Variants in CNTNAP2 observed in about 807,000 individuals in gnomAD.
CNTNAP2 encodes the protein contactin-associated protein-like 2.
A neutral mutation model predicts 155.2 loss-of-function variants in CNTNAP2; 98 were observed. That is an observed-to-expected ratio of 0.63 (90% CI 0.54 to 0.75). The LOEUF (loss-of-function observed/expected upper bound fraction) is 0.75, where lower values mean the gene tolerates loss of function less well. CNTNAP2 is among the 30% of genes least tolerant of loss of function. The pLI is 0.00. For synonymous variants in CNTNAP2, 651 were observed against 631.2 expected, an observed-to-expected ratio of 1.03 and a Z score of -0.47; for missense variants, 1,727 against 1,688.1, an observed-to-expected ratio of 1.02 and a Z score of -0.40.
intron 9 of CNTNAP2, among the ~76,000 whole-genome samples, chr7:147,304,485 G>C (rs147659374): frequency 6.6e-6 from 1 of 152,078 alleles, no homozygotes; most frequent in South Asian, 2.1e-4. Flanking sequence ...AATTTTCTTT[G>C]TTGTGGTCAT....
chr7:146,178,296 G>A (rs1798499733), intron 1 of CNTNAP2, among the ~76,000 whole-genome samples: 1 of 152,186 alleles, frequency 6.6e-6, no homozygotes, highest in South Asian at 2.1e-4. Flanking sequence ...GCCTCCCAAA[G>A]TTCTGGGATT....
intron 1 of CNTNAP2, among the ~76,000 whole-genome samples, chr7:146,550,992 G>C (rs1297731115): frequency 6.6e-6 from 1 of 151,990 alleles, no homozygotes; most frequent in Non-Finnish European, 1.5e-5. Context: ...GCATGATTGC[G>C]GGAAAATTTG....
chr7:146,225,479 G>A (rs2539738), intron 1 of CNTNAP2, among the ~76,000 whole-genome samples: 117,207 of 152,096 alleles, frequency 0.77, 45,308 homozygotes, highest in East Asian at 0.94. Flanking sequence ...CAAAGTTTTA[G>A]TGGAAATCCT....
At chr7:147,874,814 C>T (rs1563120142) in intron 13 of CNTNAP2, among the ~76,000 whole-genome samples, 1 of 152,162 alleles carries the variant, frequency 6.6e-6, no homozygotes, top group Non-Finnish European at 1.5e-5. Context: ...TGCTTTGCTG[C>T]TTAGAAATTC....
intron 21 of CNTNAP2, among the ~76,000 whole-genome samples, chr7:148,346,245 G>T (rs988915423): frequency 7.2e-5 from 11 of 152,082 alleles, no homozygotes; most frequent in Non-Finnish European, 1.0e-4. Context: ...ACTTGGATAT[G>T]TTTTTATAAG....
At chr7:146,441,453 T>C (rs2129119589) in intron 1 of CNTNAP2, among the ~76,000 whole-genome samples, 1 of 151,578 alleles carries the variant, frequency 6.6e-6, no homozygotes, top group South Asian at 2.1e-4. Flanking sequence ...TCAACTCTCT[T>C]CCCTGCCCAC....
At chr7:146,318,903 T>C (rs112083021) in intron 1 of CNTNAP2, among the ~76,000 whole-genome samples, 2,716 of 152,294 alleles carry the variant, frequency 0.018, 71 homozygotes, top group African/African-American at 0.061. Context: ...TCTTAACTCT[T>C]ATGAATGCTT....
intron 1 of CNTNAP2, among the ~76,000 whole-genome samples, chr7:146,491,378 A>C (rs1309678907): frequency 6.6e-6 from 1 of 152,080 alleles, no homozygotes; most frequent in Admixed American, 6.6e-5. Context: ...TTTTTAACAA[A>C]AAAAAAACAA....
chr7:147,631,442 A>G (rs988040068), intron 12 of CNTNAP2, among the ~76,000 whole-genome samples: 1 of 152,162 alleles, frequency 6.6e-6, no homozygotes, highest in Non-Finnish European at 1.5e-5. Flanking sequence ...TTTCCATCAA[A>G]GTACCATCAA....
At chr7:147,190,199 T>A (rs555413642) in intron 8 of CNTNAP2, among the ~76,000 whole-genome samples, 1 of 152,276 alleles carries the variant, frequency 6.6e-6, no homozygotes, top group East Asian at 1.9e-4. Context: ...CATGACCATT[T>A]CACTGCACCT....
chr7:148,097,871 A>G (rs1804006544), intron 15 of CNTNAP2, among the ~76,000 whole-genome samples: 1 of 152,218 alleles, frequency 6.6e-6, no homozygotes, highest in African/African-American at 2.4e-5. Flanking sequence ...CAAAATAGGC[A>G]AAGTGATTGT....
chr7:148,312,010 A>C (rs983432461), intron 21 of CNTNAP2, among the ~76,000 whole-genome samples: 31 of 152,190 alleles, frequency 2.0e-4, no homozygotes, highest in Non-Finnish European at 4.0e-4. Flanking sequence ...GGGGAGCAGA[A>C]AGTATATGCA....
intron 1 of CNTNAP2, among the ~76,000 whole-genome samples, chr7:146,379,306 C>G (rs1055178106): frequency 1.8e-4 from 27 of 152,140 alleles, no homozygotes; most frequent in African/African-American, 6.0e-4. Context: ...GCTTATTTGG[C>G]ATATGTATTT....
chr7:146,674,624 G>A (rs1380707024), intron 1 of CNTNAP2, among the ~76,000 whole-genome samples: 2 of 152,064 alleles, frequency 1.3e-5, no homozygotes, highest in Non-Finnish European at 2.9e-5. Flanking sequence ...GTAGGGGCTG[G>A]GGAGGAACAG....
At chr7:148,369,422 G>A (rs1296868936) in intron 21 of CNTNAP2, among the ~76,000 whole-genome samples, 1 of 150,990 alleles carries the variant, frequency 6.6e-6, no homozygotes, top group Non-Finnish European at 1.5e-5. Flanking sequence ...TTTTTGCATT[G>A]TTAGTAGAGA....
chr7:147,852,010 C>G (rs79608354), intron 13 of CNTNAP2, among the ~76,000 whole-genome samples: 4,941 of 152,142 alleles, frequency 0.032, 134 homozygotes, highest in Non-Finnish European at 0.052. Flanking sequence ...AGTATAAGAA[C>G]TACTTATCCT....
chr7:146,415,364 T>C (rs1318192687), intron 1 of CNTNAP2, among the ~76,000 whole-genome samples: 1 of 152,216 alleles, frequency 6.6e-6, no homozygotes. Flanking sequence ...TTGATTAAGC[T>C]AGGTTGTGTT....
At chr7:147,654,871 T>G (rs1396571972) in intron 13 of CNTNAP2, among the ~76,000 whole-genome samples, 1 of 138,526 alleles carries the variant, frequency 7.2e-6, no homozygotes, top group Non-Finnish European at 1.5e-5. Context: ...TGGAGTGCAG[T>G]GGTGTGATCT....
intron 1 of CNTNAP2, among the ~76,000 whole-genome samples, chr7:146,609,816 A>C (rs1585005258): frequency 6.6e-6 from 1 of 152,228 alleles, no homozygotes; most frequent in East Asian, 1.9e-4. Context: ...AGTTATCATA[A>C]TTCTAGATAG....
Sources: allele counts gnomAD v4.1 joint callset (sites outside exome capture counted in the v4.1 genomes callset), GRCh38; gene constraint gnomAD v4.1.1; transcripts MANE v1.5; gene names NCBI Gene and HGNC (gene_info 2026-07-23, HGNC 2026-07-21).